FANCC: variants seen among roughly 807,000 people sequenced by gnomAD.
FANCC encodes Fanconi anemia group C protein.
A neutral mutation model predicts 71.3 loss-of-function variants in FANCC; 55 were observed. The observed-to-expected ratio is 0.77, with a 90% CI of 0.62 to 0.97. The LOEUF is 0.97. Ranked by LOEUF, FANCC falls within the 50% of genes least tolerant of loss-of-function variation. The pLI is 0.00. For synonymous variants in FANCC, 275 were observed against 244.9 expected (o/e 1.12, Z -1.15); for missense variants, 678 against 670.9 (o/e 1.01, Z -0.12).
intron 1 of FANCC, among the ~76,000 whole-genome samples, chr9:95,286,389 A>G (rs1280649383): frequency 2.0e-5 from 3 of 152,182 alleles, no homozygotes; most frequent in East Asian, 1.9e-4. Context: ...GGCTTCCAGG[A>G]AAGATTTCCT....
chr9:95,292,739 C>A (rs556568988), intron 1 of FANCC: 1 of 1,359,878 alleles, frequency 7.4e-7, no homozygotes, highest in Non-Finnish European at 1.1e-6. Context: ...GTTGTCCAAT[C>A]GAAGGCTGCC....
chr9:95,142,539 G>C (rs1488216788), intron 7 of FANCC: 1 of 152,254 alleles, frequency 6.6e-6, no homozygotes, highest in East Asian at 1.9e-4. Context: ...AGTGGCTGTA[G>C]ACGCTAATGG....
intron 1 of FANCC, chr9:95,292,818 GAGA>G (rs1259635715): frequency 7.0e-6 from 11 of 1,579,378 alleles, no homozygotes; most frequent in Non-Finnish European, 9.6e-6. Context: ...AATCCATGCT[GAGA>G]AGAAGCACAA....
intron 7 of FANCC, among the ~76,000 whole-genome samples, chr9:95,141,985 G>GTTTT (rs1163083695): frequency 0.017 from 1,385 of 82,790 alleles, 11 homozygotes; most frequent in African/African-American, 0.019. Context: ...AGTTTGTGGG[G>GTTTT]TTTTTTTTTT....
intron 1 of FANCC, chr9:95,292,556 C>T: frequency 2.7e-6 from 4 of 1,475,374 alleles, no homozygotes; most frequent in South Asian, 1.2e-5. Flanking sequence ...AGTAGGTGAG[C>T]GAGCTGTCCC....
At chr9:95,263,319 A>T (rs1832165665) in intron 1 of FANCC, among the ~76,000 whole-genome samples, 1 of 151,962 alleles carries the variant, frequency 6.6e-6, no homozygotes, top group South Asian at 2.1e-4. Flanking sequence ...TTGTCCAGGA[A>T]TCTCAAGGCC....
rs200499215 is a variant in FANCC at position 95,111,684 on chromosome 9, T to C, written c.1155-47A>G. ...TGGCAGTTGACAACCTAAATTCTTC[T>C]TCCTTTGGGTTTTTAAAGCAACTTT... On this transcript the variant is annotated intron_variant, in intron 12 of 14. Transcript: ENST00000289081. 33 of 1,611,370 alleles carry C rather than the reference T, an allele frequency of 2.0e-5. No individual in the cohort carries two copies. The East Asian group carries it at 6.9e-4, about 34-fold the overall frequency.
At chr9:95,240,237 G>A (rs948470632) in intron 4 of FANCC, among the ~76,000 whole-genome samples, 6 of 152,204 alleles carry the variant, frequency 3.9e-5, no homozygotes, top group Admixed American at 2.6e-4. Context: ...TGCTCCCGCC[G>A]CACTGCTGAA....
chr9:95,262,054 G>A (rs986197599), intron 1 of FANCC, among the ~76,000 whole-genome samples: 2 of 152,160 alleles, frequency 1.3e-5, no homozygotes, highest in Non-Finnish European at 2.9e-5. Context: ...TTGGTTGCTT[G>A]TTAAGTACTA....
chr9:95,118,391 A>G (rs1233254652), intron 10 of FANCC, among the ~76,000 whole-genome samples: 1 of 152,278 alleles, frequency 6.6e-6, no homozygotes, highest in Non-Finnish European at 1.5e-5. Context: ...AGCTACAGCT[A>G]TCTATGCCCC....
chr9:95,316,250 T>A (rs988798546), intron 1 of FANCC, among the ~76,000 whole-genome samples: 4 of 152,254 alleles, frequency 2.6e-5, no homozygotes, highest in African/African-American at 4.8e-5. Context: ...GCCTTTCTTG[T>A]ATATGAATAA....
intron 8 of FANCC, chr9:95,127,347 T>C (rs1293094897): frequency 1.3e-5 from 2 of 152,252 alleles, no homozygotes. Context: ...AGATCCTTTA[T>C]AGCAGGGTCC....
intron 4 of FANCC, among the ~76,000 whole-genome samples, chr9:95,196,157 G>A (rs1239155866): frequency 6.6e-6 from 1 of 151,942 alleles, no homozygotes; most frequent in Admixed American, 6.6e-5. Context: ...TTATAAGAAC[G>A]AATCTCCTTG....
chr9:95,164,657 T>C (rs1039005126), intron 6 of FANCC, among the ~76,000 whole-genome samples: 1 of 152,204 alleles, frequency 6.6e-6, no homozygotes. Flanking sequence ...CATTCAGTCA[T>C]GGTGTTTATA....
chr9:95,302,175 A>G lies in FANCC; in HGVS notation c.-79+15351T>C, dbSNP rs1444669656. Among the ~76,000 whole-genome samples the G allele has an allele frequency of 3.9e-5, 6 of 152,184 alleles. No individual in the cohort carries two copies. The South Asian group carries it at 1.2e-3, about 32-fold the overall frequency. ...TGAATTAAACATGTTTAATTTAATG[A>G]ATTTGTAAACAATCCCTTTAATGCA... On this transcript the variant is annotated intron_variant, in intron 1 of 14. Coordinates refer to ENST00000289081, the MANE Select transcript of FANCC (RefSeq NM_000136.3).
At chr9:95,102,176 T>C (rs1014824718) in intron 14 of FANCC, among the ~76,000 whole-genome samples, 3 of 152,222 alleles carry the variant, frequency 2.0e-5, no homozygotes, top group East Asian at 1.9e-4. Flanking sequence ...CAGTCACAAG[T>C]TGTGGGATGA....
chr9:95,151,333 GATAA>G (rs543054146), intron 6 of FANCC, among the ~76,000 whole-genome samples: 82 of 152,226 alleles, frequency 5.4e-4, no homozygotes, highest in Admixed American at 1.2e-3. Context: ...TCCAGTGAAT[GATAA>G]ATAAAATGAA....
intron 1 of FANCC, among the ~76,000 whole-genome samples, chr9:95,312,746 T>C (rs1210551679): frequency 6.6e-6 from 1 of 152,152 alleles, no homozygotes; most frequent in Admixed American, 6.5e-5. Context: ...ATAGGAGATA[T>C]AAGGAGGAGC....
chr9:95,189,954 C>T (rs1826984430), intron 4 of FANCC, among the ~76,000 whole-genome samples: 1 of 152,174 alleles, frequency 6.6e-6, no homozygotes, highest in Admixed American at 6.5e-5. Context: ...CTCAGCAGTG[C>T]CTCACAATCT....
Sources: allele counts gnomAD v4.1 joint callset (sites outside exome capture counted in the v4.1 genomes callset), GRCh38; gene constraint gnomAD v4.1.1; transcripts MANE v1.5; gene names NCBI Gene and HGNC (gene_info 2026-07-23, HGNC 2026-07-21).